TMEM273: variants seen among roughly 807,000 people sequenced by gnomAD.
TMEM273 encodes the protein chromosome 10 open reading frame 128.
In TMEM273, 19 loss-of-function variants were observed where a neutral mutation model predicts 17.9. The ratio of observed to expected loss-of-function variants is 1.06; its 90% confidence interval spans 0.74 to 1.55. The LOEUF (loss-of-function observed/expected upper bound fraction) is 1.55. Among genes scored for constraint, TMEM273 ranks in the 40% most tolerant of loss-of-function variants. The probability of loss-of-function intolerance (pLI) is 0.00; values close to 1 mark genes in which losing one functional copy is unlikely to be tolerated. For synonymous variants in TMEM273, 66 were observed against 62.0 expected, an observed-to-expected ratio of 1.07 and a Z score of -0.31; for missense variants, 194 against 155.6, an observed-to-expected ratio of 1.25 and a Z score of -1.31.
intron 1 of TMEM273, among the ~76,000 whole-genome samples, chr10:49,169,995 G>A (rs896660713): frequency 6.6e-5 from 10 of 151,230 alleles, no homozygotes; most frequent in African/African-American, 1.2e-4. Flanking sequence ...CTCACCCCAC[G>A]CCCTCCCCCT....
At chr10:49,168,268 A>C (rs530412992) in intron 1 of TMEM273, among the ~76,000 whole-genome samples, 16 of 152,260 alleles carry the variant, frequency 1.1e-4, no homozygotes, top group African/African-American at 3.9e-4. Context: ...TCCTTAATCC[A>C]GCATGGCTTT....
intron 1 of TMEM273, among the ~76,000 whole-genome samples, chr10:49,175,182 G>T (rs776437787): frequency 6.6e-6 from 1 of 152,090 alleles, no homozygotes; most frequent in Non-Finnish European, 1.5e-5. Flanking sequence ...GGCTAAAGAA[G>T]GAAGCTGAGC....
intron 1 of TMEM273, among the ~76,000 whole-genome samples, chr10:49,175,564 T>C (rs1372953064): frequency 6.6e-6 from 1 of 152,246 alleles, no homozygotes; most frequent in Non-Finnish European, 1.5e-5. Context: ...TCTTTGCTAA[T>C]TAATTCTTAA....
intron 1 of TMEM273, among the ~76,000 whole-genome samples, chr10:49,181,031 ATAACTCTCTT>A (rs1847310013): frequency 6.6e-6 from 1 of 152,258 alleles, no homozygotes; most frequent in Admixed American, 6.5e-5. Context: ...GATCTGAAAA[ATAACTCTCTT>A]TAGAGTATGT....
At chr10:49,186,800 G>C (rs534143142) in intron 1 of TMEM273, among the ~76,000 whole-genome samples, 1 of 152,266 alleles carries the variant, frequency 6.6e-6, no homozygotes, top group South Asian at 2.1e-4. Flanking sequence ...GTGATGCCTT[G>C]GCCCAGTGAT....
intron 3 of TMEM273, 37 bp from the exon 4 acceptor site, chr10:49,165,833 T>C (rs747955473): frequency 1.6e-5 from 26 of 1,613,476 alleles, no homozygotes; most frequent in Non-Finnish European, 2.2e-5. Flanking sequence ...AAGGGGGTCG[T>C]GTGACAAGAG....
chr10:49,165,689 G>A (rs1169799932), intron 4 of TMEM273, 77 bp downstream of exon 4: 5 of 1,583,632 alleles, frequency 3.2e-6, no homozygotes, highest in Non-Finnish European at 4.3e-6. Flanking sequence ...GGCTGGGGAT[G>A]ACAGGCAAGG....
intron 1 of TMEM273, among the ~76,000 whole-genome samples, chr10:49,177,590 A>T (rs913606004): frequency 6.6e-6 from 1 of 152,364 alleles, no homozygotes; most frequent in Non-Finnish European, 1.5e-5. Flanking sequence ...TTCAGGCTCC[A>T]TGCCTGAGCC....
rs913430561 is a variant in TMEM273 at position 49,155,363 on chromosome 10, A to G, written c.*529T>C. Reference sequence around the variant, plus strand: ...GCCAGTGTTCATCATCGATAGGGCTAGAGACCATCCCGGAGTCCCCATGTT... The same window carrying G: ...GCCAGTGTTCATCATCGATAGGGCTGGAGACCATCCCGGAGTCCCCATGTT... On this transcript the variant is annotated 3_prime_UTR_variant, in exon 7 of 7. Coordinates refer to ENST00000374153, the MANE Select transcript of TMEM273 (RefSeq NM_001288740.3). 2.4e-5 allele frequency: 4 copies of G among 168,284 alleles called. No homozygotes were observed. Among genetic ancestry groups the G allele is most frequent in the African/African-American group, 4.8e-5 (2 of 41,658 alleles). The allele number at this position is 168,284 out of a possible 1,614,324, so 10.4% of individuals were successfully genotyped here.
rs778666170 is a variant in TMEM273 at position 49,156,177 on chromosome 10, G to A, written c.373-268C>T. On this transcript the variant is annotated intron_variant, in intron 6 of 6. Coordinates refer to ENST00000374153, the MANE Select transcript of TMEM273 (RefSeq NM_001288740.3). Reference sequence around the variant, plus strand: ...ATCCACTTTGATGACAAAAAGAGAAGTCATTCCTCGAGGTTAATAGGCATA... The same window carrying A: ...ATCCACTTTGATGACAAAAAGAGAAATCATTCCTCGAGGTTAATAGGCATA... 4.0e-6 allele frequency: 6 copies of A among 1,499,924 alleles called. No homozygotes were observed. The South Asian group carries it at 7.2e-5, about 18-fold the overall frequency. The allele number at this position is 1,499,924 out of a possible 1,614,324, so 92.9% of individuals were successfully genotyped here.
rs113469321 is a variant in TMEM273 at position 49,170,015 on chromosome 10, G to A, written c.44-2053C>T. ...CCCACGCCCTCCCCCTGCCACACTA[G>A]CATGTTGCTTGGTCCCCCCTCCCAT... On this transcript the variant is annotated intron_variant, in intron 1 of 6. Coordinates refer to ENST00000374153, the MANE Select transcript of TMEM273 (RefSeq NM_001288740.3). Among the ~76,000 whole-genome samples the A allele has an allele frequency of 3.2e-3, 491 of 152,224 alleles. 4 individuals carry two copies. The highest frequency in any genetic ancestry group is 0.011 in the African/African-American group (475 of 41,540).
intron 1 of TMEM273, among the ~76,000 whole-genome samples, chr10:49,180,057 G>T (rs1016893794): frequency 3.3e-5 from 5 of 152,210 alleles, no homozygotes; most frequent in Non-Finnish European, 7.3e-5. Context: ...CCCAATGAAT[G>T]AAAAAGTCCC....
chr10:49,168,057 A>T, intron 1 of TMEM273, 95 bp from the exon 2 acceptor site: 11 of 1,478,770 alleles, frequency 7.4e-6, no homozygotes, highest in Non-Finnish European at 1.0e-5. Context: ...TACCCCATGT[A>T]CCCACCAGGA....
chr10:49,167,074 T>C, intron 2 of TMEM273, 65 bp from the exon 3 acceptor site: 1 of 1,589,538 alleles, frequency 6.3e-7, no homozygotes, highest in African/African-American at 1.3e-5. Context: ...GCATTCCAGA[T>C]GAGGTCCAAA....
Position 49,167,005 on chromosome 10 carries a change from G to A in TMEM273, c.102C>T (p.Phe34=). 6.2e-7 allele frequency: 1 copy of A among 1,613,930 alleles called. No homozygotes were observed. The highest frequency in any genetic ancestry group is 8.5e-7 in the Non-Finnish European group (1 of 1,179,846). The stretch of plus-strand genomic sequence containing the variant: ...CAGCAGTCCCGATGAGGGCGTACTT[G>A]AAATCTGAAACGCAGGGAGGAATTG... ...TGKTPGAEID[F]KYALIGTAVG... Residue 34 remains phenylalanine, a synonymous_variant, in exon 3 of 7, where the codon TTC becomes TTT. Coordinates refer to ENST00000374153, the MANE Select transcript of TMEM273 (RefSeq NM_001288740.3).
At chr10:49,162,530 A>C (rs557932654) in intron 5 of TMEM273, among the ~76,000 whole-genome samples, 1 of 152,306 alleles carries the variant, frequency 6.6e-6, no homozygotes, top group African/African-American at 2.4e-5. Context: ...GTGTGCCAGG[A>C]ATTCAGATGG....
At chr10:49,170,557 A>G (rs906982327) in intron 1 of TMEM273, among the ~76,000 whole-genome samples, 2 of 152,166 alleles carry the variant, frequency 1.3e-5, no homozygotes, top group African/African-American at 4.8e-5. Flanking sequence ...GGTCTGACTT[A>G]GGGACTGAGT....
chr10:49,180,506 T>C (rs1847278142), intron 1 of TMEM273, among the ~76,000 whole-genome samples: 1 of 152,158 alleles, frequency 6.6e-6, no homozygotes, highest in African/African-American at 2.4e-5. Flanking sequence ...AAATGCCCCT[T>C]TTCTCTCGAC....
chr10:49,181,432 A>G (rs1847334798), intron 1 of TMEM273, among the ~76,000 whole-genome samples: 1 of 152,252 alleles, frequency 6.6e-6, no homozygotes, highest in African/African-American at 2.4e-5. Flanking sequence ...GGAAGAATAA[A>G]GTAGAAGAAA....
Sources: gnomAD v4.1 joint callset for allele counts (sites outside exome capture counted in the v4.1 genomes callset) on GRCh38, gnomAD v4.1.1 for gene constraint, MANE v1.5 for transcripts, NCBI Gene and HGNC (gene_info 2026-07-23, HGNC 2026-07-21) for gene names.